Variants in UBR1 observed in about 807,000 individuals in gnomAD.
UBR1 encodes E3 ubiquitin-protein ligase UBR1.
UBR1 carries 102 observed loss-of-function variants against 242.1 expected under a neutral mutation model. The ratio of observed to expected loss-of-function variants is 0.42; its 90% CI spans 0.36 to 0.50. The LOEUF (loss-of-function observed/expected upper bound fraction) is 0.50. Ranked by LOEUF, UBR1 falls within the 20% of genes least tolerant of loss-of-function variation. The pLI is 0.01. For missense variants in UBR1, 1,772 were observed against 2,101.8 expected (o/e 0.84, Z 3.07); for synonymous variants, 675 against 684.8 (o/e 0.99, Z 0.22).
intron 1 of UBR1, among the ~76,000 whole-genome samples, chr15:43,102,052 A>C (rs910697736): frequency 2.0e-5 from 3 of 151,816 alleles, no homozygotes; most frequent in Admixed American, 6.6e-5. Flanking sequence ...AGGCAAGAGA[A>C]TCACTTGAAC....
chr15:43,038,724 C>T (rs181198529), intron 15 of UBR1, among the ~76,000 whole-genome samples: 2 of 152,230 alleles, frequency 1.3e-5, no homozygotes, highest in Non-Finnish European at 2.9e-5. Context: ...AATCCTACAC[C>T]ATGCAAGGTG....
chr15:43,067,114 T>C lies in UBR1; in HGVS notation c.798+784A>G, dbSNP rs556509240. Among the ~76,000 whole-genome samples, 8 of 152,290 alleles carry C rather than the reference T, an allele frequency of 5.3e-5. No homozygotes were observed. The South Asian group carries it at 8.3e-4, about 16-fold the overall frequency. ...TAATATGAGTATCAGTCTCAAAGAG[T>C]TGACTTATGGTTATAGGGCTTAAAT... On this transcript the variant is annotated intron_variant, in intron 6 of 46. Coordinates refer to ENST00000290650, the MANE Select transcript of UBR1 (RefSeq NM_174916.3).
chr15:43,037,701 G>T, intron 17 of UBR1, 72 bp downstream of exon 17: 2 of 1,326,778 alleles, frequency 1.5e-6, no homozygotes, highest in Non-Finnish European at 2.1e-6. Context: ...GGAACACAGG[G>T]TAAAATCATA....
In UBR1 at chr15:42,958,001, C is replaced by T. The variant is rs759021655; in HGVS notation, c.4835+12G>A. 6.9e-6 allele frequency: 11 copies of T among 1,603,910 alleles called. No individual in the cohort carries two copies. The highest frequency in any genetic ancestry group is 6.7e-5 in the African/African-American group (5 of 74,854). On this transcript the variant is annotated intron_variant, in intron 44 of 46. Transcript: ENST00000290650. ...TTAAAATTACACACATATATATACA[C>T]ACTCTCCTTACCTGAAATGAGAAGC...
At chr15:43,017,463 A>G (rs982992014) in intron 27 of UBR1, among the ~76,000 whole-genome samples, 2 of 152,090 alleles carry the variant, frequency 1.3e-5, no homozygotes, top group Admixed American at 6.6e-5. Flanking sequence ...GGAAACAAAA[A>G]TTTTTTTAAT....
chr15:42,984,102 A>G, intron 36 of UBR1, 109 bp from the exon 37 acceptor site: 1 of 708,624 alleles, frequency 1.4e-6, no homozygotes, highest in Non-Finnish European at 2.5e-6. Context: ...AATTAGCTGC[A>G]GACTCATTAT....
chr15:43,088,213 CAG>C (rs1327538583), intron 1 of UBR1, among the ~76,000 whole-genome samples: 4 of 152,086 alleles, frequency 2.6e-5, no homozygotes, highest in Admixed American at 2.0e-4. Flanking sequence ...TCCGTGAAGA[CAG>C]GGTAATAATC....
At chr15:43,009,388 G>A (rs2032882934) in intron 29 of UBR1, among the ~76,000 whole-genome samples, 1 of 152,244 alleles carries the variant, frequency 6.6e-6, no homozygotes, top group African/African-American at 2.4e-5. Flanking sequence ...GTGCCTGGCT[G>A]TGTGCAGTGG....
intron 20 of UBR1, among the ~76,000 whole-genome samples, chr15:43,031,374 T>C (rs1045322125): frequency 2.0e-5 from 3 of 152,198 alleles, no homozygotes; most frequent in African/African-American, 7.2e-5. Context: ...ATTCTTTACA[T>C]AGCACTCTAA....
intron 46 of UBR1, 59 bp downstream of exon 46, chr15:42,950,203 A>G (rs953159042): frequency 2.1e-6 from 3 of 1,402,114 alleles, no homozygotes; most frequent in Non-Finnish European, 3.0e-6. Flanking sequence ...TGAAATAGAA[A>G]ACAATCAACA....
At chr15:43,098,235 T>C (rs945664742) in intron 1 of UBR1, among the ~76,000 whole-genome samples, 2 of 152,178 alleles carry the variant, frequency 1.3e-5, no homozygotes, top group South Asian at 2.1e-4. Flanking sequence ...CTGTCTTTTA[T>C]GGATGTGGTT....
intron 39 of UBR1, among the ~76,000 whole-genome samples, chr15:42,973,093 T>G (rs2032232912): frequency 6.6e-6 from 1 of 152,248 alleles, no homozygotes; most frequent in Admixed American, 6.5e-5. Context: ...CCTAATGGCA[T>G]ATAGATGTTG....
chr15:42,947,668 T>G (rs2031760765), intron 46 of UBR1, among the ~76,000 whole-genome samples: 1 of 152,084 alleles, frequency 6.6e-6, no homozygotes, highest in Non-Finnish European at 1.5e-5. Context: ...AAATCATGAG[T>G]GAACTTCCAT....
Position 43,002,660 on chromosome 15 carries a change from A to C in UBR1, c.3554T>G (p.Val1185Gly). The C allele has an allele frequency of 2.5e-6, 4 of 1,614,212 alleles. No individual in the cohort carries two copies. The highest frequency in any genetic ancestry group is 3.4e-6 in the Non-Finnish European group (4 of 1,180,036). ...VQLSSQQRIHVDLFDLESGEY... is the reference protein window; with the variant it reads ...VQLSSQQRIHGDLFDLESGEY... ...TCCACTTTCCAAGTCAAAAAGGTCA[A>C]CATGAATGCGCTGCTGAGAGCTCAG... Residue 1185 changes from valine (V) to glycine (G), a missense_variant, in exon 32 of 47, where the codon GTT (valine) becomes GGT (glycine). By Grantham distance (109) the Val-to-Gly change is moderately radical (BLOSUM62 -3). Transcript: ENST00000290650.
chr15:43,059,048 GCTTC>G, intron 9 of UBR1, 33 bp downstream of exon 9: 9 of 1,537,638 alleles, frequency 5.9e-6, no homozygotes, highest in Non-Finnish European at 8.1e-6. Context: ...ATCTTCCTTT[GCTTC>G]CTGACAAACA....
intron 1 of UBR1, among the ~76,000 whole-genome samples, chr15:43,093,652 T>G (rs1183457115): frequency 6.6e-6 from 1 of 152,018 alleles, no homozygotes; most frequent in Non-Finnish European, 1.5e-5. Context: ...CATGGTAGCA[T>G]GAGCCTGTAG....
At chr15:43,050,149 A>G (rs1157324067) in intron 12 of UBR1, among the ~76,000 whole-genome samples, 1 of 152,010 alleles carries the variant, frequency 6.6e-6, no homozygotes, top group Non-Finnish European at 1.5e-5. Flanking sequence ...AAGTCTCACT[A>G]TGTTGCCCAG....
At chr15:43,051,432 T>C (rs1445036555) in intron 12 of UBR1, among the ~76,000 whole-genome samples, 4 of 151,838 alleles carry the variant, frequency 2.6e-5, no homozygotes, top group African/African-American at 7.3e-5. Context: ...AGGATTGAGG[T>C]TGGGAGGAGG....
At chr15:43,017,841 A>G (rs2033050598) in intron 27 of UBR1, among the ~76,000 whole-genome samples, 1 of 151,816 alleles carries the variant, frequency 6.6e-6, no homozygotes, top group Non-Finnish European at 1.5e-5. Flanking sequence ...AATGGAAAGT[A>G]AAATCCTCCT....
Sources: gnomAD v4.1 joint callset for allele counts (sites outside exome capture counted in the v4.1 genomes callset) on GRCh38, gnomAD v4.1.1 for gene constraint, MANE v1.5 for transcripts, NCBI Gene and HGNC (gene_info 2026-07-23, HGNC 2026-07-21) for gene names.